MEIS2: variants seen among roughly 807,000 people sequenced by gnomAD.
MEIS2 encodes the protein Meis homeobox 2.
Under a neutral mutation model 58.6 loss-of-function variants are expected in MEIS2, and 9 were observed. That is an observed-to-expected ratio of 0.15 (90% CI 0.09 to 0.27). The LOEUF (loss-of-function observed/expected upper bound fraction) is 0.27. Among genes scored for constraint, MEIS2 ranks in the 10% least tolerant of loss-of-function variants. The pLI is 1.00. For missense variants in MEIS2, 427 were observed against 635.0 expected (o/e 0.67, Z 3.52); for synonymous variants, 221 against 228.4 (o/e 0.97, Z 0.29).
Position 37,059,258 on chromosome 15 carries a change from T to C in MEIS2, c.755-22299A>G, listed in dbSNP as rs557648164. Among the ~76,000 whole-genome samples, 6 of 152,360 alleles carry C rather than the reference T, an allele frequency of 3.9e-5. No individual in the cohort carries two copies. In the South Asian group the frequency reaches 8.3e-4, roughly 21 times the overall value. ...TTTCTCATTGTCGTGGATTGTTACT[T>C]AGAGCAGCTTGAAGCTCTCACATGC... On this transcript the variant is annotated intron_variant, in intron 7 of 11. Coordinates refer to ENST00000561208, the MANE Select transcript of MEIS2 (RefSeq NM_170675.5).
At chr15:36,991,455 C>A (rs889002453) in intron 8 of MEIS2, among the ~76,000 whole-genome samples, 2 of 103,810 alleles carry the variant, frequency 1.9e-5, no homozygotes, top group African/African-American at 6.7e-5. Context: ...TCATCACCTA[C>A]ATTATTGTAG....
chr15:37,044,268 C>T (rs1162002752), intron 7 of MEIS2, among the ~76,000 whole-genome samples: 1 of 152,136 alleles, frequency 6.6e-6, no homozygotes, highest in Non-Finnish European at 1.5e-5. Flanking sequence ...TCTGGATTTG[C>T]CCTCTCTGCT....
chr15:37,050,499 C>T (rs2062869785), intron 7 of MEIS2, among the ~76,000 whole-genome samples: 1 of 152,120 alleles, frequency 6.6e-6, no homozygotes, highest in Non-Finnish European at 1.5e-5. Flanking sequence ...AAGGCATTAA[C>T]TTGTAAGATA....
chr15:36,969,522 AAAGG>A (rs1409761260), intron 8 of MEIS2, among the ~76,000 whole-genome samples: 1 of 152,208 alleles, frequency 6.6e-6, no homozygotes, highest in Non-Finnish European at 1.5e-5. Flanking sequence ...TTAGTTATTT[AAAGG>A]TATTGTTTAT....
intron 9 of MEIS2, among the ~76,000 whole-genome samples, chr15:36,930,760 T>C (rs1562804): frequency 0.51 from 77,085 of 152,120 alleles, 22,031 homozygotes; most frequent in Non-Finnish European, 0.65. Context: ...ATACTGTTCA[T>C]GTATGCTCAT....
At chr15:37,051,336 T>C (rs1005254474) in intron 7 of MEIS2, among the ~76,000 whole-genome samples, 5 of 152,192 alleles carry the variant, frequency 3.3e-5, no homozygotes, top group Non-Finnish European at 7.3e-5. Context: ...TTTGAAATCA[T>C]GCTAAATGGA....
chr15:37,090,282 C>A (rs1477450136), intron 6 of MEIS2, among the ~76,000 whole-genome samples: 1 of 151,830 alleles, frequency 6.6e-6, no homozygotes, highest in Non-Finnish European at 1.5e-5. Context: ...ATTTTATTTT[C>A]TATTTAATTC....
At chr15:36,956,057 C>T (rs1194872721) in intron 8 of MEIS2, among the ~76,000 whole-genome samples, 4 of 136,994 alleles carry the variant, frequency 2.9e-5, no homozygotes, top group East Asian at 2.2e-4. Flanking sequence ...ATTAGCCGGG[C>T]GTGGTGGCGG....
chr15:37,072,398 A>C (rs933948421), intron 7 of MEIS2, among the ~76,000 whole-genome samples: 1 of 152,074 alleles, frequency 6.6e-6, no homozygotes, highest in Non-Finnish European at 1.5e-5. Flanking sequence ...ACTTATCACC[A>C]GGAAAGTTTG....
At chr15:37,029,238 T>C (rs1384597847) in intron 8 of MEIS2, among the ~76,000 whole-genome samples, 1 of 152,230 alleles carries the variant, frequency 6.6e-6, no homozygotes, top group East Asian at 1.9e-4. Flanking sequence ...CTGTGTGTTC[T>C]GCATGTGCAT....
chr15:37,098,999 G>A, intron 1 of MEIS2: 1 of 983,680 alleles, frequency 1.0e-6, no homozygotes, highest in Non-Finnish European at 1.2e-6. Flanking sequence ...CGCAGCGGCT[G>A]CGGCAGCGCG....
At chr15:36,892,534 A>AT (rs2055925561) in intron 11 of MEIS2, 75 bp from the exon 12 acceptor site, 1,594 of 1,084,914 alleles carry the variant, frequency 1.5e-3, no homozygotes, top group Middle Eastern at 3.2e-3. Flanking sequence ...AAAGATGAAA[A>AT]GAAAAAAAAA....
At chr15:36,957,812 A>G (rs114611901) in intron 8 of MEIS2, among the ~76,000 whole-genome samples, 180 of 152,312 alleles carry the variant, frequency 1.2e-3, no homozygotes, top group Non-Finnish European at 2.2e-3. Flanking sequence ...CTGTTTCCTG[A>G]CAGAAAGGAC....
At position 36,890,954 on chromosome 15, in the gene MEIS2, A is replaced by C. The variant is rs566263001; in HGVS notation, c.*1219T>G. The C allele has an allele frequency of 1.3e-5, 2 of 152,636 alleles. No homozygotes were observed. The highest frequency in any genetic ancestry group is 3.9e-4 in the East Asian group (2 of 5,178). The allele number at this position is 152,636 out of a possible 1,614,324, so 9.5% of individuals were successfully genotyped here. A position where few individuals can be genotyped will look rare whatever the true frequency, so the allele number is the denominator to read the frequency against. On this transcript the variant is annotated 3_prime_UTR_variant, in exon 12 of 12. Transcript: ENST00000561208. ...ACTCAACTGCTGGGGGGAAAAACCT[A>C]CTTTTAACACTGTATAGAGTTGGCA... is the stretch of plus-strand genomic sequence containing the variant.
Position 37,085,020 on chromosome 15 carries a change from T to C in MEIS2, c.640-1135A>G, listed in dbSNP as rs187289882. On this transcript the variant is annotated intron_variant, in intron 6 of 11. Transcript: ENST00000561208. ...AATAGTTCCTCAAAACCAATCAAAG[T>C]ATACAAAGTATATACCAATCTAAGT... Among the ~76,000 whole-genome samples, 79 of 152,228 alleles carry C rather than the reference T, an allele frequency of 5.2e-4. 2 individuals carry two copies. The highest frequency in any genetic ancestry group is 5.9e-5 in the Non-Finnish European group (4 of 68,032).
chr15:36,942,407 C>T (rs1311851807), intron 9 of MEIS2, among the ~76,000 whole-genome samples: 2 of 152,156 alleles, frequency 1.3e-5, no homozygotes, highest in Non-Finnish European at 2.9e-5. Context: ...GGGAACAATT[C>T]TGAGTGTCGC....
intron 2 of MEIS2, 125 bp from the exon 3 acceptor site, chr15:37,096,555 C>T (rs1439861891): frequency 8.6e-7 from 1 of 1,163,102 alleles, no homozygotes; most frequent in Non-Finnish European, 1.2e-6. Context: ...GCACGCACCA[C>T]ACTTTACAAC....
intron 7 of MEIS2, among the ~76,000 whole-genome samples, chr15:37,037,191 T>C (rs2062191438): frequency 6.6e-6 from 1 of 152,216 alleles, no homozygotes; most frequent in South Asian, 2.1e-4. Context: ...AATTCAATTA[T>C]AACTGTGCAC....
chr15:37,098,906 AC>A (rs1278094512), intron 1 of MEIS2: 1 of 985,480 alleles, frequency 1.0e-6, no homozygotes, highest in African/African-American at 1.7e-5. Context: ...GTTACCAGAA[AC>A]ATTATTTAGC....
Sources: gnomAD v4.1 joint callset for allele counts (sites outside exome capture counted in the v4.1 genomes callset) on GRCh38, gnomAD v4.1.1 for gene constraint, MANE v1.5 for transcripts, NCBI Gene and HGNC (gene_info 2026-07-23, HGNC 2026-07-21) for gene names.